SRGAP2C: variants seen among roughly 807,000 people sequenced by gnomAD.
The protein encoded by SRGAP2C is SLIT-ROBO Rho GTPase activating protein 2C.
Under a neutral mutation model 25.1 loss-of-function variants are expected in SRGAP2C, and 15 were observed. The observed-to-expected ratio is 0.60, with a 90% CI of 0.40 to 0.92. The LOEUF (loss-of-function observed/expected upper bound fraction) is 0.92. Ranked by LOEUF, SRGAP2C falls within the 40% of genes least tolerant of loss-of-function variation. SRGAP2C has a pLI of 0.00. For missense variants in SRGAP2C, 144 were observed against 264.4 expected (o/e 0.54, Z 3.16); for synonymous variants, 44 against 96.6 (o/e 0.46, Z 3.19).
intron 2 of SRGAP2C, among the ~76,000 whole-genome samples, chr1:121,222,768 T>G (rs1553325895): frequency 6.6e-6 from 1 of 152,152 alleles, no homozygotes; most frequent in Admixed American, 6.5e-5. Context: ...GGCTAGCCCT[T>G]GTTTTCATTT....
At chr1:121,228,103 C>T (rs1467490389) in intron 2 of SRGAP2C, among the ~76,000 whole-genome samples, 1 of 87,086 alleles carries the variant, frequency 1.1e-5, no homozygotes, top group Admixed American at 1.1e-4. Context: ...TATTCTTAGA[C>T]CACAATCACC....
chr1:121,270,572 G>T (rs1478287665), intron 2 of SRGAP2C, among the ~76,000 whole-genome samples: 1 of 129,798 alleles, frequency 7.7e-6, no homozygotes, highest in African/African-American at 3.0e-5. Flanking sequence ...CCATTAATTA[G>T]ATATTTAAAA....
At chr1:121,188,148 A>G (rs1366870024) in intron 2 of SRGAP2C, among the ~76,000 whole-genome samples, 3 of 152,306 alleles carry the variant, frequency 2.0e-5, no homozygotes, top group African/African-American at 4.8e-5. Context: ...CTAAATCTGA[A>G]TAGAGTTGGG....
intron 4 of SRGAP2C, among the ~76,000 whole-genome samples, chr1:121,336,110 A>G (rs1658509751): frequency 6.6e-6 from 1 of 152,096 alleles, no homozygotes; most frequent in African/African-American, 2.4e-5. Flanking sequence ...AAGCCCCTCT[A>G]ACTAGGCAGG....
intron 3 of SRGAP2C, among the ~76,000 whole-genome samples, chr1:121,303,920 C>T (rs1345866340): frequency 6.8e-6 from 1 of 147,034 alleles, no homozygotes; most frequent in Non-Finnish European, 1.5e-5. Flanking sequence ...AATTACTAAC[C>T]CAGGCCGGGC....
At chr1:121,305,096 G>A (rs1449061151) in intron 3 of SRGAP2C, among the ~76,000 whole-genome samples, 1 of 147,740 alleles carries the variant, frequency 6.8e-6, no homozygotes, top group Non-Finnish European at 1.5e-5. Context: ...CTCTAAGCAA[G>A]CCATCTTATG....
At chr1:121,375,009 T>G in intron 7 of SRGAP2C, 55 bp downstream of exon 7, 2 of 748,232 alleles carry the variant, frequency 2.7e-6, no homozygotes, top group Non-Finnish European at 5.0e-6. Flanking sequence ...TTCAGAATAC[T>G]CGTCAGACAT....
intron 3 of SRGAP2C, among the ~76,000 whole-genome samples, chr1:121,313,715 G>C (rs1658017237): frequency 1.9e-5 from 2 of 105,890 alleles, no homozygotes; most frequent in East Asian, 3.7e-4. Context: ...GAAATTCTGG[G>C]TTGAAAATTC....
At chr1:121,340,699 G>A (rs1658633105) in intron 4 of SRGAP2C, among the ~76,000 whole-genome samples, 1 of 151,316 alleles carries the variant, frequency 6.6e-6, no homozygotes, top group African/African-American at 2.4e-5. Context: ...TCATAGAGGG[G>A]AAAGAATTGG....
At chr1:121,295,689 A>G (rs1657580918) in intron 3 of SRGAP2C, among the ~76,000 whole-genome samples, 1 of 152,076 alleles carries the variant, frequency 6.6e-6, no homozygotes, top group African/African-American at 2.4e-5. Flanking sequence ...GGTGATTGAT[A>G]AATTAATGGT....
chr1:121,272,446 G>C (rs1449366183), intron 2 of SRGAP2C, among the ~76,000 whole-genome samples: 1 of 151,622 alleles, frequency 6.6e-6, no homozygotes, highest in African/African-American at 2.4e-5. Flanking sequence ...AGCATCTCTA[G>C]ATGATGGCAT....
intron 4 of SRGAP2C, among the ~76,000 whole-genome samples, chr1:121,327,681 TAG>T (rs1257494383): frequency 2.6e-5 from 4 of 151,186 alleles, no homozygotes; most frequent in African/African-American, 7.3e-5. Flanking sequence ...CTCTTTTGTT[TAG>T]AGTGTCCTTG....
intron 4 of SRGAP2C, among the ~76,000 whole-genome samples, chr1:121,331,887 A>G (rs1269030049): frequency 1.3e-5 from 2 of 152,150 alleles, no homozygotes; most frequent in African/African-American, 2.4e-5. Flanking sequence ...ATAGTGATAG[A>G]GAATAGATAT....
intron 2 of SRGAP2C, among the ~76,000 whole-genome samples, chr1:121,260,462 G>T (rs1656600639): frequency 6.6e-6 from 1 of 151,632 alleles, no homozygotes; most frequent in South Asian, 2.1e-4. Context: ...GAGGGTGAGA[G>T]GTTTTTAGGA....
intron 2 of SRGAP2C, among the ~76,000 whole-genome samples, chr1:121,191,173 G>A (rs587594864): frequency 1.5e-4 from 23 of 151,662 alleles, no homozygotes; most frequent in East Asian, 9.8e-4. Context: ...GTAGTTGTCC[G>A]TCAGTATCCT....
intron 2 of SRGAP2C, among the ~76,000 whole-genome samples, chr1:121,237,896 G>T (rs1276844917): frequency 8.5e-6 from 1 of 117,434 alleles, no homozygotes; most frequent in Non-Finnish European, 1.8e-5. Flanking sequence ...CATTCTATTG[G>T]TGAGGCAGTT....
chr1:121,280,046 G>A (rs1228741967), intron 2 of SRGAP2C, among the ~76,000 whole-genome samples: 1 of 151,238 alleles, frequency 6.6e-6, no homozygotes, highest in Non-Finnish European at 1.5e-5. Flanking sequence ...TTCACATACT[G>A]TAAAATTCAC....
At chr1:121,282,821 G>A (rs1347109144) in intron 2 of SRGAP2C, among the ~76,000 whole-genome samples, 6 of 149,940 alleles carry the variant, frequency 4.0e-5, no homozygotes, top group African/African-American at 1.5e-4. Flanking sequence ...GCCTCCCAAA[G>A]TGCTGGGATT....
intron 4 of SRGAP2C, among the ~76,000 whole-genome samples, chr1:121,339,045 A>G (rs1267846465): frequency 1.4e-4 from 21 of 151,914 alleles, no homozygotes; most frequent in African/African-American, 5.1e-4. Flanking sequence ...TTTCCTTCCA[A>G]TCTTTTTTAT....
Sources: gnomAD v4.1 joint callset for allele counts (sites outside exome capture counted in the v4.1 genomes callset) on GRCh38, gnomAD v4.1.1 for gene constraint, MANE v1.5 for transcripts, NCBI Gene and HGNC (gene_info 2026-07-23, HGNC 2026-07-21) for gene names.